Variants in TNN observed in about 807,000 individuals in gnomAD.
TNN encodes tenascin N.
TNN carries 122 observed loss-of-function variants against 134.4 expected under a neutral mutation model. The ratio of observed to expected loss-of-function variants is 0.91; its 90% confidence interval spans 0.78 to 1.06. The LOEUF is 1.06. Among genes scored for constraint, TNN ranks in the 50% least tolerant of loss-of-function variants. The pLI, the probability that TNN is intolerant of heterozygous loss-of-function variation, is 0.00. For missense variants in TNN, 1,739 were observed against 1,699.4 expected, an observed-to-expected ratio of 1.02 and a Z score of -0.41; for synonymous variants, 710 against 670.3, an observed-to-expected ratio of 1.06 and a Z score of -0.91.
intron 9 of TNN, among the ~76,000 whole-genome samples, chr1:175,113,719 C>T (rs946902699): frequency 6.6e-6 from 1 of 152,042 alleles, no homozygotes; most frequent in African/African-American, 2.4e-5. Flanking sequence ...TTAATAGTAT[C>T]CCTTAGGTTT....
rs769694066 is a variant in TNN, at chr1:175,106,910, G to A, written c.2119+8315G>A. The stretch of plus-strand genomic sequence containing the variant: ...AGCTTGACACCCGTGTCTTTAGTCC[G>A]GCGGCCCGCTAGTCACTTTTAAATG... On this transcript the variant is annotated intron_variant, in intron 9 of 18. Transcript: ENST00000239462. 1.4e-4 allele frequency among the ~76,000 whole-genome samples: 21 copies of A among 145,900 alleles called. 3 individuals are homozygous for A. The highest frequency in any genetic ancestry group is 4.6e-4 in the South Asian group (2 of 4,364).
At chr1:175,144,621 A>T in intron 18 of TNN, 71 bp downstream of exon 18, 1 of 1,500,334 alleles carries the variant, frequency 6.7e-7, no homozygotes, top group Non-Finnish European at 9.0e-7. Context: ...GACACCCTCC[A>T]GGCCAGTCTG....
Position 175,098,573 on chromosome 1 carries a change from G to A in TNN, c.2097G>A (p.Lys699=). 1.2e-6 allele frequency: 2 copies of A among 1,614,154 alleles called. No individual in the cohort carries two copies. The highest frequency in any genetic ancestry group is 1.7e-6 in the Non-Finnish European group (2 of 1,180,018). Residue 699 remains lysine, a synonymous_variant, in exon 9 of 19, where the codon AAG becomes AAA. Transcript: ENST00000239462. ...WAQKGDQESK[K]ADTKAQTDID... ...AGAAGGGGGACCAGGAGAGCAAGAA[G>A]GCCGACACCAAGGCCCAGACAGGTA...
Position 175,092,045 on chromosome 1 carries a change from C to A in TNN, c.1325-1945C>A, listed in dbSNP as rs1025875701. ...ACCTGGGGTTGTACAGATGTGGATG[C>A]TTTTGAGAAGGTGAGGGCCATGAAC... On this transcript the variant is annotated intron_variant, in intron 6 of 18. Coordinates refer to ENST00000239462, the MANE Select transcript of TNN (RefSeq NM_022093.2). Among the ~76,000 whole-genome samples the A allele has an allele frequency of 2.6e-5, 4 of 152,244 alleles. No homozygotes were observed. In the East Asian group the frequency reaches 7.7e-4, roughly 29 times the overall value.
At chr1:175,092,312 C>T (rs1308912430) in intron 6 of TNN, among the ~76,000 whole-genome samples, 1 of 152,142 alleles carries the variant, frequency 6.6e-6, no homozygotes, top group Non-Finnish European at 1.5e-5. Flanking sequence ...CTGGAGCCTC[C>T]AGAGGCCCTG....
chr1:175,096,092 A>T (rs371788813), intron 7 of TNN, among the ~76,000 whole-genome samples: 1 of 152,214 alleles, frequency 6.6e-6, no homozygotes, highest in East Asian at 1.9e-4. Flanking sequence ...AAGATAAAGG[A>T]CAGTGAGTTA....
In TNN at chr1:175,098,696, A is replaced by C. The variant is rs538859376; in HGVS notation, c.2119+101A>C. The C allele has an allele frequency of 1.8e-5, 27 of 1,536,066 alleles. No individual in the cohort carries two copies. The South Asian group carries it at 2.9e-4, about 16-fold the overall frequency. ...GGCATAAAGGGGGACTTTATGGAAG[A>C]GCAGGTTGGTATCCTCCCATAATAC... On this transcript the variant is annotated intron_variant, in intron 9 of 18. Transcript: ENST00000239462.
chr1:175,074,686 C>T (rs1034275486), intron 1 of TNN, among the ~76,000 whole-genome samples: 4 of 152,054 alleles, frequency 2.6e-5, no homozygotes, highest in East Asian at 1.9e-4. Flanking sequence ...ATAGGAAGAG[C>T]CATGAAGGAG....
chr1:175,118,031 T>C (rs559347231), intron 10 of TNN, among the ~76,000 whole-genome samples: 1 of 152,342 alleles, frequency 6.6e-6, no homozygotes, highest in South Asian at 2.1e-4. Context: ...TAATATATAG[T>C]GAGCATTTTC....
chr1:175,134,946 C>T (rs1675759299), intron 15 of TNN, among the ~76,000 whole-genome samples: 1 of 152,188 alleles, frequency 6.6e-6, no homozygotes, highest in African/African-American at 2.4e-5. Context: ...AGCGCTCTTA[C>T]CTGGACCAAC....
chr1:175,075,057 C>A (rs1674008349), intron 1 of TNN, among the ~76,000 whole-genome samples: 1 of 152,222 alleles, frequency 6.6e-6, no homozygotes, highest in Non-Finnish European at 1.5e-5. Context: ...ATGCACCCAG[C>A]CAATGCCTAG....
At chr1:175,116,108 G>A (rs1675159316) in intron 9 of TNN, among the ~76,000 whole-genome samples, 1 of 152,084 alleles carries the variant, frequency 6.6e-6, no homozygotes, top group Admixed American at 6.5e-5. Context: ...ATGAGTGTCA[G>A]GGATTTCTAA....
At chr1:175,108,430 T>G (rs1025736708) in intron 9 of TNN, among the ~76,000 whole-genome samples, 1 of 152,258 alleles carries the variant, frequency 6.6e-6, no homozygotes, top group African/African-American at 2.4e-5. Flanking sequence ...CAGGTGGAGC[T>G]GCCTGCCAGT....
At chr1:175,094,365 G>T in intron 7 of TNN, 112 bp downstream of exon 7, 2 of 1,167,880 alleles carry the variant, frequency 1.7e-6, no homozygotes, top group Non-Finnish European at 1.1e-6. Context: ...TGCAGGAGTG[G>T]GGAGGAGGTT....
chr1:175,069,711 C>G (rs928767526), intron 1 of TNN, among the ~76,000 whole-genome samples: 1 of 152,220 alleles, frequency 6.6e-6, no homozygotes, highest in Non-Finnish European at 1.5e-5. Context: ...TTGCTAAGAT[C>G]TCAGGCCTGA....
At chr1:175,121,458 T>C (rs553379886) in intron 11 of TNN, among the ~76,000 whole-genome samples, 196 of 152,296 alleles carry the variant, frequency 1.3e-3, no homozygotes, top group Non-Finnish European at 2.2e-3. Flanking sequence ...CATGTGGTAC[T>C]TAGAGGACAA....
At chr1:175,078,051 A>C (rs1410783560) in intron 2 of TNN, among the ~76,000 whole-genome samples, 1 of 152,212 alleles carries the variant, frequency 6.6e-6, no homozygotes, top group Non-Finnish European at 1.5e-5. Flanking sequence ...CAGCTCTTGC[A>C]GAGAGTCTAG....
intron 17 of TNN, among the ~76,000 whole-genome samples, chr1:175,139,109 A>G (rs933719046): frequency 6.6e-6 from 1 of 152,254 alleles, no homozygotes; most frequent in Non-Finnish European, 1.5e-5. Flanking sequence ...GTGAAGGCCC[A>G]GGACAGGACT....
At chr1:175,130,935 C>A (rs1675661376) in intron 15 of TNN, among the ~76,000 whole-genome samples, 1 of 151,670 alleles carries the variant, frequency 6.6e-6, no homozygotes, top group Non-Finnish European at 1.5e-5. Flanking sequence ...GGGGGTCATG[C>A]ATGAACTGAG....
Sources: allele counts gnomAD v4.1 joint callset (sites outside exome capture counted in the v4.1 genomes callset), GRCh38; gene constraint gnomAD v4.1.1; transcripts MANE v1.5; gene names NCBI Gene and HGNC (gene_info 2026-07-23, HGNC 2026-07-21).